Variants in ZNF705G observed in about 807,000 individuals in gnomAD.
The protein encoded by ZNF705G is zinc finger protein 705G, also known as putative zinc finger protein 705G.
Under a neutral mutation model 19.6 loss-of-function variants are expected in ZNF705G, and 23 were observed. The observed-to-expected ratio is 1.17, with a 90% CI of 0.84 to 1.66. ZNF705G has a LOEUF of 1.66. Ranked by LOEUF, ZNF705G falls within the 40% of genes most tolerant of loss-of-function variation. ZNF705G has a pLI of 0.00. For synonymous variants in ZNF705G, 146 were observed against 117.7 expected, an observed-to-expected ratio of 1.24 and a Z score of -1.56; for missense variants, 457 against 354.4, an observed-to-expected ratio of 1.29 and a Z score of -2.32.
At chr8:7,383,565 C>T (rs1807601182) in intron 1 of ZNF705G, among the ~76,000 whole-genome samples, 1 of 146,518 alleles carries the variant, frequency 6.8e-6, no homozygotes, top group Non-Finnish European at 1.5e-5. Context: ...TAAGGAAGTG[C>T]TGTGGCCTGA....
chr8:7,366,630 C>A (rs1276234425), intron 2 of ZNF705G, among the ~76,000 whole-genome samples: 2 of 149,580 alleles, frequency 1.3e-5, no homozygotes, highest in African/African-American at 2.6e-5. Flanking sequence ...AAAGCTAAAA[C>A]AATATCCATG....
chr8:7,384,111 A>G (rs1230107965), intron 1 of ZNF705G, among the ~76,000 whole-genome samples: 1 of 48,874 alleles, frequency 2.0e-5, no homozygotes, highest in Non-Finnish European at 4.3e-5. Flanking sequence ...AAAAATAGAG[A>G]CAATTTTTTT....
Position 7,355,730 on chromosome 8 carries a change from G to A in ZNF705G, c.*2246C>T, listed in dbSNP as rs1174654442. 6.7e-6 allele frequency: 1 copy of A among 149,588 alleles called. No homozygotes were observed. The highest frequency in any genetic ancestry group is 1.5e-5 in the Non-Finnish European group (1 of 68,014). The allele number at this position is 149,588 out of a possible 1,614,324, so 9.3% of individuals were successfully genotyped here. A position where few individuals can be genotyped will look rare whatever the true frequency, so the allele number is the denominator to read the frequency against. ...AGCACAAATAGTACATCTTAATGTG[G>A]TTCAGGAGTACATATAATGTCAGTC... On this transcript the variant is annotated 3_prime_UTR_variant, in exon 7 of 7. Coordinates refer to ENST00000400156, the MANE Select transcript of ZNF705G (RefSeq NM_001164457.3).
chr8:7,383,306 G>T (rs1807587443), intron 1 of ZNF705G, among the ~76,000 whole-genome samples: 1 of 147,276 alleles, frequency 6.8e-6, no homozygotes. Flanking sequence ...AGTATACACG[G>T]TAAAACACTG....
chr8:7,361,221 CAA>C lies in ZNF705G; in HGVS notation c.26_27del (p.Phe9Ter), dbSNP rs765170374. 87 of 1,592,560 alleles carry C rather than the reference CAA, an allele frequency of 5.5e-5. No homozygotes were observed. The highest frequency in any genetic ancestry group is 2.7e-4 in the Admixed American group (16 of 59,920). ...TGGGTGAAGTCAATAGCTACATCTT[CAA>C]AAGTCAGTTTCTTCTAAAACATCAC... MHSLKKLT[F>X]EDVAIDFTQE... On this transcript the variant is annotated frameshift_variant, in exon 4 of 7. Coordinates refer to ENST00000400156, the MANE Select transcript of ZNF705G (RefSeq NM_001164457.3). LOFTEE classifies it high-confidence loss of function.
Position 7,358,672 on chromosome 8 carries a change from G to A in ZNF705G, c.319-112C>T. 3 of 1,503,898 alleles carry A rather than the reference G, an allele frequency of 2.0e-6. 1 individual carries two copies. The highest frequency in any genetic ancestry group is 4.5e-5 in the East Asian group (2 of 44,074). 93.2% of individuals were successfully genotyped at this position (1,503,898 alleles called of 1,614,324 possible). On this transcript the variant is annotated intron_variant, in intron 6 of 6. Coordinates refer to ENST00000400156, the MANE Select transcript of ZNF705G (RefSeq NM_001164457.3). ...ATTCAGTGGTAGACCCCAGTTGAAAGCTTTCCAATGTTTCTTGTGTGAAAG... is the reference window on the plus strand; with the variant it reads ...ATTCAGTGGTAGACCCCAGTTGAAAACTTTCCAATGTTTCTTGTGTGAAAG...
rs1257604590 is a variant in ZNF705G at position 7,358,521 on chromosome 8, C to G, written c.358G>C (p.Asp120His). Residue 120 changes from aspartate to histidine, a missense_variant, in exon 7 of 7, where the codon GAT (aspartate) becomes CAT (histidine). Transcript: ENST00000400156. ...CTGCGAGTGCAATCTTCTCCCGAATCATTACATTCAAAAGGATCCTCCAGA... is the reference window on the plus strand; with the variant it reads ...CTGCGAGTGCAATCTTCTCCCGAATGATTACATTCAAAAGGATCCTCCAGA... The part of the protein sequence containing the change: ...LILEDPFECN[D>H]SGEDCTRSST... 3 of 1,607,538 alleles carry G rather than the reference C, an allele frequency of 1.9e-6. No individual in the cohort carries two copies. The highest frequency in any genetic ancestry group is 2.5e-6 in the Non-Finnish European group (3 of 1,179,586).
Position 7,358,413 on chromosome 8 carries a change from G to T in ZNF705G, c.466C>A (p.Leu156Ile), listed in dbSNP as rs1454542724. 4.4e-6 allele frequency: 7 copies of T among 1,607,604 alleles called. No individual in the cohort carries two copies. Among genetic ancestry groups the T allele is most frequent in the African/African-American group, 1.4e-5 (1 of 71,310 alleles). Residue 156 changes from leucine to isoleucine, a missense_variant, in exon 7 of 7, where the codon CTT becomes ATT. By Grantham distance (5) the Leu-to-Ile change is conservative (BLOSUM62 2). Coordinates refer to ENST00000400156, the MANE Select transcript of ZNF705G (RefSeq NM_001164457.3). ...TGTTTATGTGGTTCAGTGGACAAAA[G>T]ATTACGAAGGGATTTTCCACACTGT... ...SKQCGKSLRN[L>I]LSTEPHKQIH... is the part of the protein sequence containing the mutation.
intron 1 of ZNF705G, among the ~76,000 whole-genome samples, chr8:7,383,695 G>T (rs1323202090): frequency 2.0e-5 from 3 of 149,298 alleles, no homozygotes; most frequent in African/African-American, 7.8e-5. Flanking sequence ...AAGCCCTTGT[G>T]ATGGGATTGC....
In ZNF705G at chr8:7,363,048, C is replaced by A; in HGVS notation, c.-71-31G>T. The stretch of plus-strand genomic sequence containing the variant: ...GTTGGAGAAAGAACATGTGAGACAC[C>A]AGTCTTGTGCACAATTTTCAGATCA... On this transcript the variant is annotated intron_variant, in intron 2 of 6. Transcript: ENST00000400156. The A allele has an allele frequency of 1.9e-6, 3 of 1,582,302 alleles. No individual in the cohort carries two copies. The Admixed American group carries it at 5.0e-5, about 26-fold the overall frequency.
chr8:7,375,731 A>T lies in ZNF705G; in HGVS notation c.-72+5721T>A, dbSNP rs1443157308. On this transcript the variant is annotated intron_variant, in intron 2 of 6. Transcript: ENST00000400156. Reference sequence around the variant, plus strand: ...TTAGAAAATAGCTGTATTTTAATCAATTATTCCACAATCATTTACTGAATA... The same window carrying T: ...TTAGAAAATAGCTGTATTTTAATCATTTATTCCACAATCATTTACTGAATA... 5.5e-5 allele frequency among the ~76,000 whole-genome samples: 5 copies of T among 91,090 alleles called. 1 individual carries two copies. The highest frequency in any genetic ancestry group is 1.1e-4 in the Non-Finnish European group (5 of 46,980). 59.8% of individuals were successfully genotyped at this position (91,090 alleles called of 152,430 possible). A position where few individuals can be genotyped will look rare whatever the true frequency, so the allele number is the denominator to read the frequency against.
intron 1 of ZNF705G, among the ~76,000 whole-genome samples, chr8:7,383,021 G>C (rs945227474): frequency 6.8e-6 from 1 of 148,048 alleles, no homozygotes; most frequent in Non-Finnish European, 1.5e-5. Context: ...TTATAAATGA[G>C]AGCACTTGGT....
intron 2 of ZNF705G, among the ~76,000 whole-genome samples, chr8:7,369,887 A>G (rs1431410595): frequency 6.7e-6 from 1 of 149,114 alleles, no homozygotes; most frequent in East Asian, 1.9e-4. Flanking sequence ...GAACTACTAG[A>G]GGGGGAAGGG....
In ZNF705G at chr8:7,363,854, C is replaced by G. The variant is rs181660296; in HGVS notation, c.-71-837G>C. Among the ~76,000 whole-genome samples, 54 of 149,278 alleles carry G rather than the reference C, an allele frequency of 3.6e-4. 3 individuals carry two copies. In the East Asian group the frequency reaches 6.2e-3, roughly 17 times the overall value. The stretch of plus-strand genomic sequence containing the variant: ...AAATCTGTTTTAGGATGGGGATAAT[C>G]AATTGAGGGATTTATTTCACTTAGA... On this transcript the variant is annotated intron_variant, in intron 2 of 6. Transcript: ENST00000400156.
intron 3 of ZNF705G, among the ~76,000 whole-genome samples, chr8:7,362,274 AG>A (rs1411753208): frequency 1.3e-5 from 2 of 149,788 alleles, no homozygotes; most frequent in Non-Finnish European, 2.9e-5. Flanking sequence ...GAAGGCAAAA[AG>A]GTTAATTACC....
At chr8:7,381,718 T>G (rs62636823) in intron 1 of ZNF705G, 117 bp from the exon 2 acceptor site, 136,346 of 147,030 alleles carry the variant, frequency 0.93, 63,234 homozygotes, top group South Asian at 0.95. Context: ...ATAAATATGG[T>G]AATTATAGAC....
intron 2 of ZNF705G, among the ~76,000 whole-genome samples, chr8:7,364,581 GC>G (rs1188645806): frequency 7.4e-5 from 11 of 149,510 alleles, no homozygotes; most frequent in Admixed American, 5.9e-4. Flanking sequence ...GCCTCTTCTT[GC>G]TTTTTGACAA....
intron 2 of ZNF705G, among the ~76,000 whole-genome samples, chr8:7,366,141 T>A (rs1409884147): frequency 2.7e-5 from 4 of 147,854 alleles, no homozygotes; most frequent in African/African-American, 8.0e-5. Context: ...ATATATCAGA[T>A]TACACTATAA....
At chr8:7,366,924 A>G (rs1806883180) in intron 2 of ZNF705G, among the ~76,000 whole-genome samples, 1 of 149,738 alleles carries the variant, frequency 6.7e-6, no homozygotes, top group Non-Finnish European at 1.5e-5. Context: ...TAGATTGGCC[A>G]CGACTTTGGC....
Sources: allele counts gnomAD v4.1 joint callset (sites outside exome capture counted in the v4.1 genomes callset), GRCh38; gene constraint gnomAD v4.1.1; transcripts MANE v1.5; gene names NCBI Gene and HGNC (gene_info 2026-07-23, HGNC 2026-07-21).